Variants in MMP24 observed in about 807,000 individuals in gnomAD.
MMP24 encodes matrix metallopeptidase 24.
A neutral mutation model predicts 62.8 loss-of-function variants in MMP24; 25 were observed. That is an observed-to-expected ratio of 0.40 (90% CI 0.29 to 0.56). The LOEUF is 0.56. MMP24 is among the 20% of genes least tolerant of loss of function. MMP24 has a pLI of 0.50. For missense variants in MMP24, 634 were observed against 853.6 expected (o/e 0.74, Z 3.21); for synonymous variants, 319 against 350.5 (o/e 0.91, Z 1.00).
intron 6 of MMP24, among the ~76,000 whole-genome samples, chr20:35,268,951 T>C (rs2060651919): frequency 2.0e-5 from 3 of 150,746 alleles, no homozygotes; most frequent in African/African-American, 4.9e-5. Flanking sequence ...AGCATGAACC[T>C]GGGAGGCGGA....
At chr20:35,244,187 A>G (rs1321839716) in intron 1 of MMP24, among the ~76,000 whole-genome samples, 2 of 152,232 alleles carry the variant, frequency 1.3e-5, no homozygotes, top group Non-Finnish European at 1.5e-5. Context: ...AACAAAAGCT[A>G]TAGCTAGGAG....
intron 6 of MMP24, among the ~76,000 whole-genome samples, chr20:35,268,919 C>T (rs2060651719): frequency 6.6e-6 from 1 of 151,858 alleles, no homozygotes; most frequent in Non-Finnish European, 1.5e-5. Flanking sequence ...CCCAGCTACT[C>T]AGGAGGCTGA....
At chr20:35,239,785 A>G in intron 1 of MMP24, among the ~76,000 whole-genome samples, 1 of 152,184 alleles carries the variant, frequency 6.6e-6, no homozygotes, top group Non-Finnish European at 1.5e-5. Flanking sequence ...CATGGCTGAG[A>G]GCGAGACCCT....
intron 1 of MMP24, among the ~76,000 whole-genome samples, chr20:35,229,626 G>A (rs934398648): frequency 2.6e-5 from 4 of 152,094 alleles, no homozygotes; most frequent in Non-Finnish European, 4.4e-5. Flanking sequence ...TTTTAAGCCG[G>A]CAGATAATAT....
chr20:35,250,697 C>T (rs373577160), intron 2 of MMP24, among the ~76,000 whole-genome samples: 1 of 148,386 alleles, frequency 6.7e-6, no homozygotes, highest in African/African-American at 2.6e-5. Flanking sequence ...AACTTTCAAT[C>T]GTAGTAGAAG....
chr20:35,253,270 C>CTTTGTTTTTTTTTTTTTTT (rs2060557231), intron 3 of MMP24, among the ~76,000 whole-genome samples: 2 of 79,078 alleles, frequency 2.5e-5, no homozygotes, highest in African/African-American at 5.8e-5. Context: ...CAGAACGGGA[C>CTTTGTTTTTTTTTTTTTTT]TTTTTTTTTT....
chr20:35,259,346 G>A (rs1013992547), intron 4 of MMP24, among the ~76,000 whole-genome samples: 2 of 152,150 alleles, frequency 1.3e-5, no homozygotes, highest in African/African-American at 4.8e-5. Context: ...GGTGCTTTTG[G>A]CGCTGTTCCA....
At chr20:35,239,462 T>C (rs1213537924) in intron 1 of MMP24, among the ~76,000 whole-genome samples, 1 of 152,192 alleles carries the variant, frequency 6.6e-6, no homozygotes, top group Non-Finnish European at 1.5e-5. Context: ...AGGTCCTCAA[T>C]AAATATTTAT....
chr20:35,266,243 T>G (rs913452623), intron 5 of MMP24, among the ~76,000 whole-genome samples: 1 of 145,960 alleles, frequency 6.9e-6, no homozygotes, highest in East Asian at 2.0e-4. Context: ...TCCCAGCTAC[T>G]TGGGAGGATG....
In MMP24 at chr20:35,254,435, C is replaced by T. The variant is rs1287102929; in HGVS notation, c.513-15C>T. ...CTCTCTGATCTTGCCTAATGATCCT[C>T]CCCTCTCTCACCAGCATTCACAACT... On this transcript the variant is annotated splice_polypyrimidine_tract_variant and intron_variant, in intron 3 of 8. Transcript: ENST00000246186. The T allele has an allele frequency of 6.2e-7, 1 of 1,605,038 alleles. No homozygotes were observed. The highest frequency in any genetic ancestry group is 1.7e-5 in the Admixed American group (1 of 59,656).
intron 3 of MMP24, among the ~76,000 whole-genome samples, chr20:35,253,295 A>ATTTTTTTTTTTTTT (rs1256708378): frequency 2.8e-5 from 2 of 72,318 alleles, no homozygotes; most frequent in African/African-American, 1.0e-4. Flanking sequence ...TTTTTTTTTC[A>ATTTTTTTTTTTTTT]GAAATCTGAC....
At chr20:35,267,721 C>T (rs993065307) in intron 6 of MMP24, among the ~76,000 whole-genome samples, 1 of 152,166 alleles carries the variant, frequency 6.6e-6, no homozygotes. Flanking sequence ...GTTTCTCCAT[C>T]CGAAACCTGG....
chr20:35,240,532 G>C (rs1183714220), intron 1 of MMP24, among the ~76,000 whole-genome samples: 2 of 152,112 alleles, frequency 1.3e-5, no homozygotes, highest in Admixed American at 1.3e-4. Flanking sequence ...ATGAAAGCAA[G>C]GTCATTCTGT....
intron 1 of MMP24, among the ~76,000 whole-genome samples, chr20:35,246,594 A>G (rs1207758606): frequency 2.0e-5 from 3 of 152,218 alleles, no homozygotes; most frequent in African/African-American, 4.8e-5. Context: ...TTCAAATTTA[A>G]TCTTTATTCT....
At chr20:35,245,130 G>A (rs923423177) in intron 1 of MMP24, among the ~76,000 whole-genome samples, 9 of 152,106 alleles carry the variant, frequency 5.9e-5, no homozygotes, top group African/African-American at 1.9e-4. Context: ...GGGCTCAAGC[G>A]ATCCTCCTGC....
At chr20:35,230,871 G>GT (rs1179115372) in intron 1 of MMP24, among the ~76,000 whole-genome samples, 1 of 151,918 alleles carries the variant, frequency 6.6e-6, no homozygotes, top group Non-Finnish European at 1.5e-5. Context: ...TTTTCATTTC[G>GT]TATCTATGAT....
At position 35,246,859 on chromosome 20, in the gene MMP24, G is replaced by C. The variant is rs1180659574; in HGVS notation, c.266G>C (p.Gly89Ala). Residue 89 changes from glycine (G) to alanine (A), a missense_variant, in exon 2 of 9, where the codon GGC (glycine) becomes GCC (alanine). Physicochemically the swap from Gly to Ala is moderately conservative, Grantham distance 60 (BLOSUM62 0). Coordinates refer to ENST00000246186, the MANE Select transcript of MMP24 (RefSeq NM_006690.4). ...TTTCAGAACTGGTTAAAGTCCTATG[G>C]CTATCTGCTTCCCTATGACTCACGG... ...FAGQNWLKSY[G>A]YLLPYDSRAS... is the part of the protein sequence containing the mutation. 2 of 1,613,852 alleles carry C rather than the reference G, an allele frequency of 1.2e-6. No homozygotes were observed. The highest frequency in any genetic ancestry group is 2.7e-5 in the African/African-American group (2 of 74,916).
intron 6 of MMP24, among the ~76,000 whole-genome samples, chr20:35,268,715 C>T (rs2060648799): frequency 6.6e-6 from 1 of 152,220 alleles, no homozygotes; most frequent in South Asian, 2.1e-4. Context: ...TTATCATCCC[C>T]ATTTACACAT....
intron 1 of MMP24, chr20:35,236,332 A>G (rs1228176939): frequency 6.6e-6 from 1 of 152,216 alleles, no homozygotes; most frequent in Non-Finnish European, 1.5e-5. Context: ...GTGATTTTGA[A>G]TAAGTCATTT....
Sources: gnomAD v4.1 joint callset for allele counts (sites outside exome capture counted in the v4.1 genomes callset) on GRCh38, gnomAD v4.1.1 for gene constraint, MANE v1.5 for transcripts, NCBI Gene and HGNC (gene_info 2026-07-23, HGNC 2026-07-21) for gene names.